LPA: variants seen among roughly 807,000 people sequenced by gnomAD.
LPA encodes apolipoprotein(a).
LPA carries 199 observed loss-of-function variants against 197.9 expected under a neutral mutation model. The ratio of observed to expected loss-of-function variants is 1.01; its 90% CI spans 0.90 to 1.13. The LOEUF is 1.13. LPA is among the 50% of genes most tolerant of loss of function. LPA has a pLI of 0.00. For synonymous variants in LPA, 715 were observed against 639.5 expected (o/e 1.12, Z -1.78); for missense variants, 1,853 against 1,785.8 (o/e 1.04, Z -0.68).
chr6:160,650,206 T>C lies in LPA; in HGVS notation c.209+132A>G, dbSNP rs1030323238. 10 of 842,910 alleles carry C rather than the reference T, an allele frequency of 1.2e-5. No individual in the cohort carries two copies. The African/African-American group carries it at 1.3e-4, about 11-fold the overall frequency. The allele number at this position is 842,910 out of a possible 1,614,324, so 52.2% of individuals were successfully genotyped here. A position where few individuals can be genotyped will look rare whatever the true frequency, so the allele number is the denominator to read the frequency against. On this transcript the variant is annotated intron_variant, in intron 2 of 38. Transcript: ENST00000316300. ...ATCATACTCTTTGCTCAAAGTAATG[T>C]TTCTCAGACATTTTGCCATGCATTC... is the stretch of plus-strand genomic sequence containing the variant.
At chr6:160,565,950 G>A (rs1778445645) in intron 28 of LPA, among the ~76,000 whole-genome samples, 1 of 152,128 alleles carries the variant, frequency 6.6e-6, no homozygotes, top group Non-Finnish European at 1.5e-5. Flanking sequence ...TCAAATGAAT[G>A]AAATGAAGCG....
At chr6:160,587,117 T>C (rs1778926453) in intron 24 of LPA, among the ~76,000 whole-genome samples, 1 of 152,196 alleles carries the variant, frequency 6.6e-6, no homozygotes, top group Non-Finnish European at 1.5e-5. Flanking sequence ...CATGAATTTA[T>C]TTACATACAG....
rs776705683 is a variant in LPA at position 160,542,662 on chromosome 6, T to TA, written c.5519+25dup. 26 of 1,612,246 alleles carry TA rather than the reference T, an allele frequency of 1.6e-5. No homozygotes were observed. The East Asian group carries it at 4.9e-4, about 30-fold the overall frequency. The stretch of plus-strand genomic sequence containing the variant: ...GTGGGGCTTACATGGAAGGACAGTA[T>TA]AGATGGTTTCTGGGCCTGTTCTTAC... On this transcript the variant is annotated intron_variant, in intron 34 of 38. Coordinates refer to ENST00000316300, the MANE Select transcript of LPA (RefSeq NM_005577.4).
chr6:160,542,214 T>C (rs1188078500), intron 34 of LPA, among the ~76,000 whole-genome samples: 1 of 152,214 alleles, frequency 6.6e-6, no homozygotes, highest in African/African-American at 2.4e-5. Context: ...CATGTGTTTG[T>C]GAATAGATGA....
chr6:160,603,029 G>T (rs1779275208), intron 18 of LPA, among the ~76,000 whole-genome samples: 1 of 127,406 alleles, frequency 7.8e-6, no homozygotes, highest in African/African-American at 3.0e-5. Context: ...TTCCCTGTCT[G>T]ATTCATTCAG....
intron 1 of LPA, among the ~76,000 whole-genome samples, chr6:160,652,573 T>C (rs1780026985): frequency 6.6e-6 from 1 of 152,240 alleles, no homozygotes; most frequent in Admixed American, 6.5e-5. Context: ...AGAATGTGAC[T>C]CCAGATGGAA....
chr6:160,538,496 G>C (rs555618557), intron 36 of LPA, among the ~76,000 whole-genome samples: 1 of 152,174 alleles, frequency 6.6e-6, no homozygotes, highest in South Asian at 2.1e-4. Flanking sequence ...TGGGAAATAA[G>C]CACCTTGCAT....
intron 20 of LPA, among the ~76,000 whole-genome samples, chr6:160,597,142 C>T (rs7770628): frequency 0.63 from 95,800 of 152,014 alleles, 31,059 homozygotes; most frequent in East Asian, 0.88. Flanking sequence ...TTAATGTGTA[C>T]TCGGTAGTTC....
rs1218641660 is a variant in LPA at position 160,591,060 on chromosome 6, A to T, written c.3671T>A (p.Ile1224Asn). 2.5e-6 allele frequency: 4 copies of T among 1,613,910 alleles called. No individual in the cohort carries two copies. In the Admixed American group the frequency reaches 6.7e-5, roughly 27 times the overall value. Residue 1224 changes from isoleucine (I) to asparagine (N), a missense_variant, in exon 23 of 39, where the codon ATT (isoleucine) becomes AAT (asparagine). Physicochemically the swap from Ile to Asn is moderately radical, Grantham distance 149. This residue lies in a region of LPA where 1,737 missense variants were observed against 1,504.4 expected (regional missense o/e 1.15). Coordinates refer to ENST00000316300, the MANE Select transcript of LPA (RefSeq NM_005577.4). The stretch of plus-strand genomic sequence containing the variant: ...ATCCATGGTATAACACCAAGGACTA[A>T]TCTCAGCATCTGGATTCCTGCAGTA... ...RNYCRNPDAE[I>N]SPWCYTMDPN...
At chr6:160,648,746 T>C (rs927958178) in intron 2 of LPA, among the ~76,000 whole-genome samples, 8 of 152,176 alleles carry the variant, frequency 5.3e-5, no homozygotes, top group Admixed American at 5.2e-4. Flanking sequence ...TCTTAGTAGT[T>C]CTTCGATTTG....
chr6:160,569,854 CTT>C (rs919504797), intron 28 of LPA, among the ~76,000 whole-genome samples: 20 of 152,316 alleles, frequency 1.3e-4, no homozygotes, highest in African/African-American at 4.8e-4. Context: ...CAAAAGAAAA[CTT>C]TTATGCAGTC....
chr6:160,655,085 A>C (rs892513919), intron 1 of LPA, among the ~76,000 whole-genome samples: 2 of 152,202 alleles, frequency 1.3e-5, no homozygotes, highest in African/African-American at 4.8e-5. Flanking sequence ...CAATTTGATG[A>C]TGAAATGCCG....
intron 30 of LPA, among the ~76,000 whole-genome samples, chr6:160,551,593 A>G (rs1414023833): frequency 2.6e-5 from 4 of 152,236 alleles, no homozygotes; most frequent in Non-Finnish European, 4.4e-5. Flanking sequence ...CTCCTGCCTC[A>G]AAAAAGTTTG....
chr6:160,635,623 C>G (rs1187739428), intron 6 of LPA, among the ~76,000 whole-genome samples: 1 of 124,914 alleles, frequency 8.0e-6, no homozygotes, highest in Non-Finnish European at 1.7e-5. Flanking sequence ...CTACCCAATC[C>G]ATCTCTCTGG....
chr6:160,587,664 C>T (rs1004479514), intron 24 of LPA, among the ~76,000 whole-genome samples: 41 of 151,970 alleles, frequency 2.7e-4, no homozygotes, highest in African/African-American at 9.9e-4. Flanking sequence ...TTTTTCTTCT[C>T]CTTCTGTGAC....
chr6:160,585,329 A>T lies in LPA; in HGVS notation c.4130-124T>A, dbSNP rs1382042678. 3.4e-6 allele frequency: 3 copies of T among 887,222 alleles called. No homozygotes were observed. The African/African-American group carries it at 5.0e-5, about 15-fold the overall frequency. 55.0% of individuals were successfully genotyped at this position (887,222 alleles called of 1,614,324 possible). On this transcript the variant is annotated intron_variant, in intron 25 of 38. Coordinates refer to ENST00000316300, the MANE Select transcript of LPA (RefSeq NM_005577.4). ...TTTACACTCTTCTATATTAGCATGCAAATTGAAATGTAGAATAAAAATACA... is the reference window on the plus strand; with the variant it reads ...TTTACACTCTTCTATATTAGCATGCTAATTGAAATGTAGAATAAAAATACA...
chr6:160,647,100 C>T (rs1779901243), intron 2 of LPA, among the ~76,000 whole-genome samples: 1 of 152,202 alleles, frequency 6.6e-6, no homozygotes, highest in Non-Finnish European at 1.5e-5. Context: ...AGAATGGGTT[C>T]CTGGGCAGGA....
intron 1 of LPA, among the ~76,000 whole-genome samples, chr6:160,658,627 TA>T (rs1365320962): frequency 6.6e-6 from 1 of 152,174 alleles, no homozygotes; most frequent in Non-Finnish European, 1.5e-5. Context: ...GATGAATCAG[TA>T]GTGTCAAATG....
At chr6:160,585,310 C>A (rs1453305024) in intron 25 of LPA, 105 bp from the exon 26 acceptor site, 1 of 1,055,468 alleles carries the variant, frequency 9.5e-7, no homozygotes, top group African/African-American at 1.6e-5. Flanking sequence ...ACAATTTACA[C>A]TCTTCTATAT....
Sources: allele counts gnomAD v4.1 joint callset (sites outside exome capture counted in the v4.1 genomes callset), GRCh38; gene constraint gnomAD v4.1.1; regional missense constraint gnomAD v4.1.1; transcripts MANE v1.5; gene names NCBI Gene and HGNC (gene_info 2026-07-23, HGNC 2026-07-21).